The following ATP9B variants were observed in gnomAD, a reference collection of about 807,000 sequenced individuals.
ATP9B encodes the protein probable phospholipid-transporting ATPase IIB.
A neutral mutation model predicts 146.1 loss-of-function variants in ATP9B; 110 were observed. The observed-to-expected ratio is 0.75, with a 90% CI of 0.65 to 0.88. The LOEUF (loss-of-function observed/expected upper bound fraction) is 0.88, where lower values mean the gene tolerates loss of function less well. Among genes scored for constraint, ATP9B ranks in the 40% least tolerant of loss-of-function variants. ATP9B has a pLI of 0.00. For synonymous variants in ATP9B, 604 were observed against 569.7 expected, an observed-to-expected ratio of 1.06 and a Z score of -0.86; for missense variants, 1,499 against 1,496.4, an observed-to-expected ratio of 1.00 and a Z score of -0.03.
Position 79,251,585 on chromosome 18 carries a change from G to A in ATP9B, c.1108-1796G>A, listed in dbSNP as rs184313736. Among the ~76,000 whole-genome samples, 421 of 152,130 alleles carry A rather than the reference G, an allele frequency of 2.8e-3. 8 individuals carry two copies. Among genetic ancestry groups the A allele is most frequent in the Admixed American group, 0.024 (360 of 15,264 alleles). On this transcript the variant is annotated intron_variant, in intron 11 of 29. Coordinates refer to ENST00000426216, the MANE Select transcript of ATP9B (RefSeq NM_198531.5). ...TTGTTTAATTAGTTGACTTTTCTTC[G>A]CAGCTGCACTTAATGGACTTTCTGA... is the stretch of plus-strand genomic sequence containing the variant.
intron 13 of ATP9B, among the ~76,000 whole-genome samples, chr18:79,295,557 A>G (rs1334789602): frequency 3.9e-5 from 6 of 152,112 alleles, no homozygotes; most frequent in East Asian, 3.9e-4. Flanking sequence ...CTCTCCTCCC[A>G]TTTTCTTTTT....
chr18:79,265,249 A>T (rs946835813), intron 12 of ATP9B, among the ~76,000 whole-genome samples: 3 of 152,130 alleles, frequency 2.0e-5, no homozygotes, highest in Non-Finnish European at 4.4e-5. Flanking sequence ...GAAGGACATG[A>T]TCTCATTCTT....
chr18:79,286,678 G>A (rs1455904644), intron 13 of ATP9B, among the ~76,000 whole-genome samples: 1 of 151,934 alleles, frequency 6.6e-6, no homozygotes, highest in African/African-American at 2.4e-5. Flanking sequence ...GGTGAGAGAG[G>A]GCATCCCTGT....
At chr18:79,231,799 T>TACAC (rs1187605702) in intron 11 of ATP9B, among the ~76,000 whole-genome samples, 107 of 98,052 alleles carry the variant, frequency 1.1e-3, no homozygotes, top group African/African-American at 3.9e-3. Context: ...TATATATATA[T>TACAC]ATATACACAC....
Position 79,110,473 on chromosome 18 carries a change from C to CA in ATP9B, c.417dup (p.Tyr140IlefsTer13). On this transcript the variant is annotated frameshift_variant, in exon 3 of 30. Coordinates refer to ENST00000426216, the MANE Select transcript of ATP9B (RefSeq NM_198531.5). LOFTEE classifies it high-confidence loss of function. ...ACATCCCAGGAATTCTATAAAAAAT[C>CA]AAAAATACAATGTGTTTACCTTTAT... 3.1e-6 allele frequency: 5 copies of CA among 1,613,054 alleles called. No homozygotes were observed. The highest frequency in any genetic ancestry group is 4.2e-6 in the Non-Finnish European group (5 of 1,179,442).
intron 5 of ATP9B, among the ~76,000 whole-genome samples, chr18:79,134,001 G>A (rs1274454474): frequency 6.6e-6 from 1 of 152,226 alleles, no homozygotes; most frequent in Non-Finnish European, 1.5e-5. Flanking sequence ...TCCTTTCAAA[G>A]TAAAAAGTAT....
chr18:79,349,862 C>A (rs1415090986), intron 25 of ATP9B, among the ~76,000 whole-genome samples: 1 of 151,576 alleles, frequency 6.6e-6, no homozygotes, highest in African/African-American at 2.4e-5. Context: ...GCCAGATGTC[C>A]CCATTGTCCT....
intron 12 of ATP9B, among the ~76,000 whole-genome samples, chr18:79,262,555 CAG>C (rs1411568414): frequency 1.3e-5 from 2 of 152,142 alleles, no homozygotes; most frequent in African/African-American, 4.8e-5. Flanking sequence ...TCAGAAAATT[CAG>C]AGTTCTGAAT....
chr18:79,308,704 C>G (rs2096633190), intron 15 of ATP9B, among the ~76,000 whole-genome samples: 1 of 138,574 alleles, frequency 7.2e-6, no homozygotes, highest in Non-Finnish European at 1.6e-5. Context: ...GGTAGAAGGT[C>G]AGGGGTGGTG....
chr18:79,373,818 C>A, intron 27 of ATP9B, 80 bp from the exon 28 acceptor site: 1 of 1,442,666 alleles, frequency 6.9e-7, no homozygotes, highest in Non-Finnish European at 9.7e-7. Flanking sequence ...TCTTGAGTGA[C>A]GTTGCTGGTT....
rs188818968 is a variant in ATP9B at position 79,143,930 on chromosome 18, A to G, written c.726+70A>G. ...TTAATGTTTAGCCTGATTATAAGTA[A>G]CTTCTGAATTTGAAAGAAATTGAGA... On this transcript the variant is annotated intron_variant, in intron 6 of 29. Transcript: ENST00000426216. 27 of 934,736 alleles carry G rather than the reference A, an allele frequency of 2.9e-5. No individual in the cohort carries two copies. In the East Asian group the frequency reaches 7.4e-4, roughly 26 times the overall value. The allele number at this position is 934,736 out of a possible 1,614,324, so 57.9% of individuals were successfully genotyped here.
At chr18:79,251,514 A>G (rs1205966228) in intron 11 of ATP9B, among the ~76,000 whole-genome samples, 1 of 152,194 alleles carries the variant, frequency 6.6e-6, no homozygotes, top group East Asian at 1.9e-4. Context: ...GCTTATTTTC[A>G]TAACCTTAGA....
intron 7 of ATP9B, among the ~76,000 whole-genome samples, chr18:79,164,549 A>G (rs2094935229): frequency 6.6e-6 from 1 of 151,998 alleles, no homozygotes; most frequent in Non-Finnish European, 1.5e-5. Flanking sequence ...CCCCGTCTCT[A>G]CTAAAAATAC....
chr18:79,293,663 C>G (rs2096527509), intron 13 of ATP9B, among the ~76,000 whole-genome samples: 1 of 152,190 alleles, frequency 6.6e-6, no homozygotes, highest in Non-Finnish European at 1.5e-5. Context: ...ATTAATTACC[C>G]AGTCTCAGGT....
chr18:79,163,462 G>A (rs1365713905), intron 7 of ATP9B, among the ~76,000 whole-genome samples: 1 of 152,132 alleles, frequency 6.6e-6, no homozygotes, highest in African/African-American at 2.4e-5. Flanking sequence ...AAAATCTAGA[G>A]TAGAGTGAAT....
chr18:79,368,783 C>T (rs1453936119), intron 26 of ATP9B, among the ~76,000 whole-genome samples: 1 of 152,034 alleles, frequency 6.6e-6, no homozygotes, highest in Admixed American at 6.5e-5. Flanking sequence ...CACCCCTTTG[C>T]TGTAGGACCC....
rs534942599 is a variant in ATP9B, at chr18:79,289,925, C to T, written c.1411+12729C>T. Reference sequence around the variant, plus strand: ...ATTAGCAGCAGTGGGTGCAGAATAGCGGATTTTCGTGAATCGCGAATGCTG... The same window carrying T: ...ATTAGCAGCAGTGGGTGCAGAATAGTGGATTTTCGTGAATCGCGAATGCTG... On this transcript the variant is annotated intron_variant, in intron 13 of 29. Coordinates refer to ENST00000426216, the MANE Select transcript of ATP9B (RefSeq NM_198531.5). 1.5e-4 allele frequency among the ~76,000 whole-genome samples: 23 copies of T among 152,276 alleles called. No homozygotes were observed. The South Asian group carries it at 4.2e-3, about 27-fold the overall frequency.
At chr18:79,216,929 A>G (rs1191696946) in intron 11 of ATP9B, among the ~76,000 whole-genome samples, 1 of 152,150 alleles carries the variant, frequency 6.6e-6, no homozygotes, top group Admixed American at 6.5e-5. Context: ...TCCCCTCCCA[A>G]TAGGGATTCA....
rs1341511802 is a variant in ATP9B, at chr18:79,217,035, GC to G, written c.1107+2998del. 2.0e-5 allele frequency among the ~76,000 whole-genome samples: 3 copies of G among 152,218 alleles called. No individual in the cohort carries two copies. The East Asian group carries it at 5.8e-4, about 29-fold the overall frequency. On this transcript the variant is annotated intron_variant, in intron 11 of 29. Transcript: ENST00000426216. ...TATTATGTCTTGAATCCACACGATGGCTCCCGGGGAGAAGAGTGCGTTCCCG... is the reference window on the plus strand; with the variant it reads ...TATTATGTCTTGAATCCACACGATGGTCCCGGGGAGAAGAGTGCGTTCCCG...
Sources: allele counts gnomAD v4.1 joint callset (sites outside exome capture counted in the v4.1 genomes callset), GRCh38; gene constraint gnomAD v4.1.1; transcripts MANE v1.5; gene names NCBI Gene and HGNC (gene_info 2026-07-23, HGNC 2026-07-21).